Variants in ABAT observed in about 807,000 individuals in gnomAD.
ABAT encodes the protein 4-aminobutyrate aminotransferase, mitochondrial.
Under a neutral mutation model 64.6 loss-of-function variants are expected in ABAT, and 45 were observed. The observed-to-expected ratio is 0.70, with a 90% CI of 0.55 to 0.89. The LOEUF is 0.89. ABAT is among the 40% of genes least tolerant of loss of function. The pLI, the probability that ABAT is intolerant of heterozygous loss-of-function variation, is 0.00. For missense variants in ABAT, 633 were observed against 658.4 expected, an observed-to-expected ratio of 0.96 and a Z score of 0.42; for synonymous variants, 297 against 250.5, an observed-to-expected ratio of 1.19 and a Z score of -1.75.
chr16:8,712,959 C>T (rs1382474504), intron 1 of ABAT: 1 of 152,084 alleles, frequency 6.6e-6, no homozygotes, highest in Non-Finnish European at 1.5e-5. Flanking sequence ...AACCCCATAC[C>T]CCCTCCCCAT....
intron 10 of ABAT, 133 bp from the exon 11 acceptor site, chr16:8,768,692 T>G (rs2060015710): frequency 1.7e-6 from 2 of 1,211,274 alleles, no homozygotes; most frequent in Admixed American, 1.7e-5. Flanking sequence ...TAAAAAGAAC[T>G]GGGGTTTCAC....
intron 1 of ABAT, among the ~76,000 whole-genome samples, chr16:8,684,045 C>T (rs2057395669): frequency 6.6e-6 from 1 of 152,130 alleles, no homozygotes; most frequent in Admixed American, 6.5e-5. Flanking sequence ...CATGCGGAAA[C>T]AGGCCCCAAA....
chr16:8,734,049 A>C, intron 1 of ABAT, among the ~76,000 whole-genome samples: 1 of 152,156 alleles, frequency 6.6e-6, no homozygotes, highest in East Asian at 1.9e-4. Context: ...ATGGACGTCT[A>C]GGTTGCTTCC....
intron 5 of ABAT, among the ~76,000 whole-genome samples, chr16:8,753,675 C>T (rs1157763140): frequency 6.6e-6 from 1 of 152,206 alleles, no homozygotes; most frequent in Non-Finnish European, 1.5e-5. Flanking sequence ...GGCCCCGAAA[C>T]AGTTGGAGAA....
chr16:8,681,477 G>C (rs1227598396), intron 1 of ABAT, among the ~76,000 whole-genome samples: 2 of 128,222 alleles, frequency 1.6e-5, no homozygotes, highest in Admixed American at 1.6e-4. Flanking sequence ...TTTTTTTTGA[G>C]AGGGAGTCTT....
intron 1 of ABAT, chr16:8,683,191 G>C (rs2057374652): frequency 6.6e-6 from 1 of 152,274 alleles, no homozygotes; most frequent in Admixed American, 6.5e-5. Context: ...CATGAAAGCA[G>C]AGTGGAGATC....
At position 8,772,920 on chromosome 16, in the gene ABAT, C is replaced by T; in HGVS notation, c.954+3C>T. 1 of 1,613,476 alleles carries T rather than the reference C, an allele frequency of 6.2e-7. No individual in the cohort carries two copies. The highest frequency in any genetic ancestry group is 8.5e-7 in the Non-Finnish European group (1 of 1,179,974). On this transcript the variant is annotated splice_donor_region_variant and intron_variant, in intron 12 of 15. Coordinates refer to ENST00000268251, the MANE Select transcript of ABAT (RefSeq NM_020686.6). Reference sequence around the variant, plus strand: ...AGCTGAGAGACATCGCCAGGAAGGTCAGTGGACAGGGCCGAGGTTGGATGG... The same window carrying T: ...AGCTGAGAGACATCGCCAGGAAGGTTAGTGGACAGGGCCGAGGTTGGATGG...
intron 1 of ABAT, among the ~76,000 whole-genome samples, chr16:8,710,727 A>AGAGAGAGAGAGG (rs146344975): frequency 9.6e-6 from 1 of 103,700 alleles, no homozygotes; most frequent in African/African-American, 3.1e-5. Flanking sequence ...AGAGAGAGAG[A>AGAGAGAGAGAGG]GAGGAAATAG....
chr16:8,756,579 G>A (rs1304274700), intron 5 of ABAT, among the ~76,000 whole-genome samples: 1 of 152,120 alleles, frequency 6.6e-6, no homozygotes, highest in Non-Finnish European at 1.5e-5. Context: ...TCCTCTCTCA[G>A]AAGCAACCTG....
At chr16:8,772,151 A>G (rs956378686) in intron 11 of ABAT, among the ~76,000 whole-genome samples, 1 of 152,160 alleles carries the variant, frequency 6.6e-6, no homozygotes, top group Admixed American at 6.5e-5. Context: ...TACTGTAAGA[A>G]TAGGAACAAT....
In ABAT at chr16:8,781,673, C is replaced by A; in HGVS notation, c.*243C>A. The A allele has an allele frequency of 1.7e-6, 1 of 580,192 alleles. No individual in the cohort carries two copies. Among genetic ancestry groups the A allele is most frequent in the Non-Finnish European group, 3.1e-6 (1 of 324,934 alleles). 35.9% of individuals were successfully genotyped at this position (580,192 alleles called of 1,614,324 possible). A position where few individuals can be genotyped will look rare whatever the true frequency, so the allele number is the denominator to read the frequency against. On this transcript the variant is annotated 3_prime_UTR_variant, in exon 16 of 16. Transcript: ENST00000268251. The surrounding 1 kb of genome is among the most constrained non-coding windows in gnomAD (Gnocchi z 4.5). The stretch of plus-strand genomic sequence containing the variant: ...TTTAAGCCCAGAGATCCTGCTTGAG[C>A]CCTGGACTCATCTTGGGAAGGGCCA...
intron 1 of ABAT, among the ~76,000 whole-genome samples, chr16:8,688,374 TA>T (rs1461659453): frequency 7.2e-5 from 11 of 152,306 alleles, no homozygotes; most frequent in African/African-American, 2.6e-4. Flanking sequence ...CTCCAAAACC[TA>T]AGTCTCCAAA....
In ABAT at chr16:8,779,543, C is replaced by G; in HGVS notation, c.1334C>G (p.Pro445Arg). The G allele has an allele frequency of 6.2e-7, 1 of 1,614,154 alleles. No individual in the cohort carries two copies. Among genetic ancestry groups the G allele is most frequent in the Non-Finnish European group, 8.5e-7 (1 of 1,180,034 alleles). The change falls in exon 15 of 16, where the codon CCC becomes CGC. Residue 445 changes from proline to arginine, a missense_variant. Transcript: ENST00000268251. ...GRGTFCSFDT[P>R]DDSIRNKLIL... ...GGCACCTTTTGCTCCTTCGATACTC[C>G]CGATGATTCCATACGGAATAAGCTC...
chr16:8,708,906 G>C (rs139646675), intron 1 of ABAT, among the ~76,000 whole-genome samples: 15 of 152,210 alleles, frequency 9.9e-5, no homozygotes, highest in Admixed American at 5.9e-4. Context: ...GGCCAGTATT[G>C]TTATTTAAGG....
intron 2 of ABAT, among the ~76,000 whole-genome samples, chr16:8,743,689 A>G (rs377340010): frequency 0.79 from 114,889 of 144,818 alleles, 45,704 homozygotes; most frequent in Admixed American, 0.81. Flanking sequence ...TTTTAGTTAT[A>G]ATATATATTT....
intron 1 of ABAT, among the ~76,000 whole-genome samples, chr16:8,679,196 A>G (rs2057274156): frequency 6.6e-6 from 1 of 152,176 alleles, no homozygotes; most frequent in East Asian, 1.9e-4. Flanking sequence ...TAATCATAAG[A>G]TAAAAATTAA....
At chr16:8,689,299 G>T (rs760461788) in intron 1 of ABAT, among the ~76,000 whole-genome samples, 1 of 152,132 alleles carries the variant, frequency 6.6e-6, no homozygotes, top group Non-Finnish European at 1.5e-5. Context: ...GTCCATATAT[G>T]CATGTATGTG....
intron 5 of ABAT, among the ~76,000 whole-genome samples, chr16:8,752,801 T>C (rs191789808): frequency 1.6e-3 from 247 of 152,266 alleles, no homozygotes; most frequent in Non-Finnish European, 2.9e-3. Flanking sequence ...TTCTAGAAGT[T>C]CTAAAAGTTC....
intron 1 of ABAT, among the ~76,000 whole-genome samples, chr16:8,712,670 C>T (rs968846134): frequency 6.6e-6 from 1 of 152,130 alleles, no homozygotes; most frequent in Non-Finnish European, 1.5e-5. Flanking sequence ...GGGCTGGGGG[C>T]TGACGTTTCT....
Sources: allele counts gnomAD v4.1 joint callset (sites outside exome capture counted in the v4.1 genomes callset), GRCh38; gene constraint gnomAD v4.1.1; non-coding constraint Gnocchi (gnomAD v3.1); transcripts MANE v1.5; gene names NCBI Gene and HGNC (gene_info 2026-07-23, HGNC 2026-07-21).